Variants in TMEM232 observed in about 807,000 individuals in gnomAD.
The protein encoded by TMEM232 is transmembrane protein 232.
In TMEM232, 80 loss-of-function variants were observed where a neutral mutation model predicts 78.8. The ratio of observed to expected loss-of-function variants is 1.01; its 90% CI spans 0.85 to 1.22. The LOEUF (loss-of-function observed/expected upper bound fraction) is 1.22. Ranked by LOEUF, TMEM232 falls within the 50% of genes most tolerant of loss-of-function variation. TMEM232 has a pLI of 0.00. For missense variants in TMEM232, 881 were observed against 742.2 expected, an observed-to-expected ratio of 1.19 and a Z score of -2.17; for synonymous variants, 297 against 254.3, an observed-to-expected ratio of 1.17 and a Z score of -1.60.
intron 1 of TMEM232, among the ~76,000 whole-genome samples, chr5:110,690,851 A>C (rs1011778251): frequency 2.0e-5 from 3 of 152,152 alleles, no homozygotes; most frequent in African/African-American, 7.2e-5. Flanking sequence ...GGAAACCATC[A>C]TTCTCAGCAA....
At chr5:110,677,933 A>C (rs562660360) in intron 1 of TMEM232, among the ~76,000 whole-genome samples, 35 of 152,330 alleles carry the variant, frequency 2.3e-4, no homozygotes, top group Non-Finnish European at 4.9e-4. Flanking sequence ...TACTATTGAA[A>C]TTCAATCCAA....
intron 2 of TMEM232, among the ~76,000 whole-genome samples, chr5:110,658,718 T>G (rs924540492): frequency 6.6e-6 from 1 of 152,150 alleles, no homozygotes; most frequent in Non-Finnish European, 1.5e-5. Context: ...ATGTAATTAT[T>G]AATCCCAAAG....
chr5:110,525,498 A>T (rs1221920158), intron 12 of TMEM232, among the ~76,000 whole-genome samples: 1 of 151,968 alleles, frequency 6.6e-6, no homozygotes, highest in African/African-American at 2.4e-5. Context: ...GAAAAATGCA[A>T]GGCATATATG....
chr5:110,738,909 G>C (rs1023460884), upstream of TMEM232: 7 of 1,322,238 alleles, frequency 5.3e-6, no homozygotes, highest in Non-Finnish European at 7.0e-6. Context: ...GGTTACCGCC[G>C]CGTCTCCCTA....
chr5:110,486,828 A>T (rs539011308), intron 12 of TMEM232, among the ~76,000 whole-genome samples: 4 of 149,466 alleles, frequency 2.7e-5, no homozygotes, highest in African/African-American at 9.8e-5. Context: ...GAATTTTAGA[A>T]TTTTTTTTTT....
At chr5:110,614,283 A>G (rs1782665545) in intron 8 of TMEM232, among the ~76,000 whole-genome samples, 1 of 152,130 alleles carries the variant, frequency 6.6e-6, no homozygotes, top group Middle Eastern at 3.2e-3. Context: ...TAACAATGCA[A>G]CTAGAATGAC....
chr5:110,576,335 A>G (rs1404681434), intron 10 of TMEM232, among the ~76,000 whole-genome samples: 1 of 152,116 alleles, frequency 6.6e-6, no homozygotes, highest in Non-Finnish European at 1.5e-5. Flanking sequence ...TATGGCAGTG[A>G]AAGATCTCTA....
At chr5:110,643,622 G>A (rs1451759939) in intron 2 of TMEM232, among the ~76,000 whole-genome samples, 1 of 151,982 alleles carries the variant, frequency 6.6e-6, no homozygotes, top group African/African-American at 2.4e-5. Flanking sequence ...ATTATTGTTG[G>A]AGTCATGCTA....
intron 12 of TMEM232, among the ~76,000 whole-genome samples, chr5:110,524,648 T>C (rs981370310): frequency 2.0e-5 from 3 of 152,188 alleles, no homozygotes; most frequent in Admixed American, 6.5e-5. Context: ...ATATCCTTTA[T>C]GTCCATTAGG....
At chr5:110,593,052 G>GT (rs1224561835) in intron 10 of TMEM232, among the ~76,000 whole-genome samples, 1 of 152,114 alleles carries the variant, frequency 6.6e-6, no homozygotes, top group East Asian at 1.9e-4. Flanking sequence ...AGAAACAAGT[G>GT]TGTTTATTCA....
At chr5:110,581,772 G>C (rs1047943460) in intron 10 of TMEM232, among the ~76,000 whole-genome samples, 10 of 151,208 alleles carry the variant, frequency 6.6e-5, no homozygotes, top group Non-Finnish European at 8.9e-5. Flanking sequence ...ATCCAACAAA[G>C]GTCTGATGAA....
At position 110,699,244 on chromosome 5, in the gene TMEM232, T is replaced by TGTAA. The variant is rs1795169855; in HGVS notation, c.-13+27382_-13+27383insTTAC. Among the ~76,000 whole-genome samples, 3 of 151,938 alleles carry TGTAA rather than the reference T, an allele frequency of 2.0e-5. No individual in the cohort carries two copies. In the South Asian group the frequency reaches 6.2e-4, roughly 32 times the overall value. The stretch of plus-strand genomic sequence containing the variant: ...TACTTGGGGTTGAGAGCCTGAGGAG[T>TGTAA]GTACCTCTTAGCAATACACCTTTGA... On this transcript the variant is annotated intron_variant, in intron 1 of 13. Coordinates refer to ENST00000455884, the MANE Select transcript of TMEM232 (RefSeq NM_001039763.4).
intron 2 of TMEM232, among the ~76,000 whole-genome samples, chr5:110,409,990 G>A (rs993238213): frequency 2.0e-5 from 3 of 152,164 alleles, no homozygotes; most frequent in East Asian, 3.9e-4. Flanking sequence ...GTCTGTATCC[G>A]TTGGCCTGAG....
At chr5:110,543,026 T>C (rs1421839061) in intron 11 of TMEM232, among the ~76,000 whole-genome samples, 2 of 152,186 alleles carry the variant, frequency 1.3e-5, no homozygotes, top group Non-Finnish European at 2.9e-5. Flanking sequence ...TGTACTTTCA[T>C]TTTCAATAAA....
rs576830587 is a variant in TMEM232, at chr5:110,656,937, C to T, written c.125+10291G>A. On this transcript the variant is annotated intron_variant, in intron 2 of 13. Transcript: ENST00000455884. ...TTCAATTTTTTATTTATAACCAAAA[C>T]ATAATAATTGTACGTATTTATGGGA... 3.3e-5 allele frequency among the ~76,000 whole-genome samples: 5 copies of T among 151,722 alleles called. No individual in the cohort carries two copies. In the East Asian group the frequency reaches 5.8e-4, roughly 18 times the overall value.
In TMEM232 at chr5:110,677,466, C is replaced by G. The variant is rs946454344; in HGVS notation, c.-12-10102G>C. On this transcript the variant is annotated intron_variant, in intron 1 of 13. Transcript: ENST00000455884. ...ACCTCTAAGTTGTTGTAATTTGTTT[C>G]GGTAGCAATAGAAAACTAAAACAAG... 3.3e-5 allele frequency among the ~76,000 whole-genome samples: 5 copies of G among 152,100 alleles called. No individual in the cohort carries two copies. The South Asian group carries it at 1.0e-3, about 32-fold the overall frequency.
At chr5:110,574,970 T>C (rs1777406270) in intron 10 of TMEM232, among the ~76,000 whole-genome samples, 1 of 151,968 alleles carries the variant, frequency 6.6e-6, no homozygotes, top group Non-Finnish European at 1.5e-5. Flanking sequence ...GGAGGGTGGT[T>C]CTGGAGACTC....
intron 7 of TMEM232, among the ~76,000 whole-genome samples, chr5:110,623,043 G>A (rs1218199613): frequency 6.7e-6 from 1 of 150,026 alleles, no homozygotes; most frequent in Non-Finnish European, 1.5e-5. Flanking sequence ...AGCTTTGCTA[G>A]TGAGCAAAGG....
intron 2 of TMEM232, among the ~76,000 whole-genome samples, chr5:110,651,839 A>G (rs76388354): frequency 0.024 from 3,711 of 151,686 alleles, 133 homozygotes; most frequent in African/African-American, 0.085. Context: ...AGGGCCAGAA[A>G]CTCACCTCAA....
Sources: gnomAD v4.1 joint callset for allele counts (sites outside exome capture counted in the v4.1 genomes callset) on GRCh38, gnomAD v4.1.1 for gene constraint, MANE v1.5 for transcripts, NCBI Gene and HGNC (gene_info 2026-07-23, HGNC 2026-07-21) for gene names.